DLG2: variants seen among roughly 807,000 people sequenced by gnomAD.
DLG2 encodes discs large MAGUK scaffold protein 2, also known as disks large homolog 2.
In DLG2, 45 loss-of-function variants were observed where a neutral mutation model predicts 132.5. The ratio of observed to expected loss-of-function variants is 0.34; its 90% CI spans 0.27 to 0.44. DLG2 has a LOEUF of 0.44. Among genes scored for constraint, DLG2 ranks in the 20% least tolerant of loss-of-function variants. DLG2 has a pLI of 1.00. For missense variants in DLG2, 1,045 were observed against 1,196.9 expected, an observed-to-expected ratio of 0.87 and a Z score of 1.87; for synonymous variants, 424 against 419.6, an observed-to-expected ratio of 1.01 and a Z score of -0.13.
intron 8 of DLG2, among the ~76,000 whole-genome samples, chr11:84,217,645 T>C (rs756738095): frequency 2.6e-5 from 4 of 152,190 alleles, no homozygotes; most frequent in Non-Finnish European, 5.9e-5. Flanking sequence ...AGGGATTATG[T>C]GGTCAAATAA....
intron 19 of DLG2, among the ~76,000 whole-genome samples, chr11:83,555,807 C>T (rs1030196940): frequency 2.0e-5 from 3 of 152,172 alleles, no homozygotes; most frequent in African/African-American, 7.2e-5. Context: ...TTCCCAAACA[C>T]TGTAAATGAA....
chr11:83,713,008 AT>A (rs1278870751), intron 18 of DLG2, among the ~76,000 whole-genome samples: 1 of 152,134 alleles, frequency 6.6e-6, no homozygotes, highest in Non-Finnish European at 1.5e-5. Context: ...AAAAAAATTT[AT>A]TTTTTTACTA....
At chr11:84,041,760 A>C (rs1311113479) in intron 11 of DLG2, among the ~76,000 whole-genome samples, 1 of 151,932 alleles carries the variant, frequency 6.6e-6, no homozygotes, top group Non-Finnish European at 1.5e-5. Flanking sequence ...GTATGTTGAT[A>C]TGGTTTGGCT....
intron 7 of DLG2, among the ~76,000 whole-genome samples, chr11:84,347,932 C>T (rs1196061796): frequency 6.6e-6 from 1 of 152,164 alleles, no homozygotes; most frequent in Non-Finnish European, 1.5e-5. Context: ...TTTAAATCCC[C>T]ATTCTGACAA....
intron 6 of DLG2, among the ~76,000 whole-genome samples, chr11:84,990,718 G>T (rs972154896): frequency 4.8e-5 from 6 of 125,786 alleles, no homozygotes; most frequent in South Asian, 2.9e-4. Flanking sequence ...ATGCTGGAAA[G>T]AATGCAGAGA....
intron 7 of DLG2, among the ~76,000 whole-genome samples, chr11:84,409,361 G>A (rs1274196635): frequency 6.6e-6 from 1 of 152,158 alleles, no homozygotes; most frequent in African/African-American, 2.4e-5. Context: ...AGCAAGAGTG[G>A]AATCCTAAAC....
intron 8 of DLG2, among the ~76,000 whole-genome samples, chr11:84,174,455 T>A (rs1356158896): frequency 6.6e-6 from 1 of 152,190 alleles, no homozygotes; most frequent in African/African-American, 2.4e-5. Flanking sequence ...GTTTCTCATC[T>A]TCAAAAACGT....
Position 83,535,989 on chromosome 11 carries a change from C to T in DLG2, c.2118-3206G>A, listed in dbSNP as rs185554219. 5.3e-5 allele frequency among the ~76,000 whole-genome samples: 8 copies of T among 152,260 alleles called. No individual in the cohort carries two copies. In the East Asian group the frequency reaches 1.5e-3, roughly 29 times the overall value. On this transcript the variant is annotated intron_variant, in intron 20 of 27. Transcript: ENST00000376104. Reference sequence around the variant, plus strand: ...TAACTTCAGTGTCTGTCCACAGCCACTCAGTTTGGGAAACAGCATTCAGGT... The same window carrying T: ...TAACTTCAGTGTCTGTCCACAGCCATTCAGTTTGGGAAACAGCATTCAGGT...
chr11:84,678,447 A>G lies in DLG2; in HGVS notation c.358-143716T>C, dbSNP rs1332537654. Reference sequence around the variant, plus strand: ...GTAGTATATGGAGGTGAATAAGAGCATGGAATTTGGGGTCAAACAGATCTG... The same window carrying G: ...GTAGTATATGGAGGTGAATAAGAGCGTGGAATTTGGGGTCAAACAGATCTG... On this transcript the variant is annotated intron_variant, in intron 6 of 27. Coordinates refer to ENST00000376104, the MANE Select transcript of DLG2 (RefSeq NM_001142699.3). Among the ~76,000 whole-genome samples the G allele has an allele frequency of 7.2e-5, 11 of 152,210 alleles. No homozygotes were observed. The South Asian group carries it at 1.9e-3, about 26-fold the overall frequency.
intron 6 of DLG2, among the ~76,000 whole-genome samples, chr11:84,654,869 A>T (rs1188237023): frequency 3.3e-5 from 5 of 152,100 alleles, no homozygotes; most frequent in African/African-American, 1.2e-4. Flanking sequence ...GTTTCAGCAG[A>T]CTTCTTACCA....
At position 84,352,177 on chromosome 11, in the gene DLG2, A is replaced by C. The variant is rs533817360; in HGVS notation, c.520-100886T>G. On this transcript the variant is annotated intron_variant, in intron 7 of 27. Transcript: ENST00000376104. ...CGCTCTTGCTCCACAGCATGGCATG[A>C]AGTAGATGTGTTTTTCTCCTACTAG... Among the ~76,000 whole-genome samples the C allele has an allele frequency of 5.9e-5, 9 of 152,336 alleles. No homozygotes were observed. In the South Asian group the frequency reaches 1.9e-3, roughly 32 times the overall value.
rs1037244331 is a variant in DLG2, at chr11:85,412,983, T to C, written c.41-127618A>G. On this transcript the variant is annotated intron_variant, in intron 3 of 27. Transcript: ENST00000376104. ...TCCACTTGTAGTTATTTAAGAAATC[T>C]CCAAACTGTTTTCCATAGTGGTTGT... Among the ~76,000 whole-genome samples, 3 of 151,822 alleles carry C rather than the reference T, an allele frequency of 2.0e-5. No homozygotes were observed. In the Admixed American group the frequency reaches 2.0e-4, roughly 10 times the overall value.
At chr11:83,874,589 AG>A (rs2064274910) in intron 15 of DLG2, 101 bp from the exon 16 acceptor site, 2 of 854,934 alleles carry the variant, frequency 2.3e-6, no homozygotes, top group African/African-American at 3.5e-5. Context: ...CACAACGTGC[AG>A]GTTAGTTACA....
At chr11:85,257,450 C>T (rs926368844) in intron 4 of DLG2, among the ~76,000 whole-genome samples, 2 of 152,116 alleles carry the variant, frequency 1.3e-5, no homozygotes, top group East Asian at 1.9e-4. Context: ...AATTTTTACA[C>T]GTAGTGGATT....
intron 6 of DLG2, chr11:84,546,675 A>G: frequency 1.9e-6 from 1 of 529,902 alleles, no homozygotes; most frequent in Admixed American, 2.2e-5. Context: ...GACAAACCCA[A>G]AGGCCCTGGA....
chr11:83,756,738 A>G (rs2093663810), intron 18 of DLG2, among the ~76,000 whole-genome samples: 1 of 151,552 alleles, frequency 6.6e-6, no homozygotes, highest in Admixed American at 6.6e-5. Context: ...ATAAACAAAT[A>G]GAAAAATTTC....
At chr11:83,858,000 G>A (rs1029481398) in intron 16 of DLG2, among the ~76,000 whole-genome samples, 2 of 152,170 alleles carry the variant, frequency 1.3e-5, no homozygotes, top group African/African-American at 4.8e-5. Flanking sequence ...AAATCTCAGT[G>A]CGAACAAGTT....
At chr11:84,264,815 G>A (rs2097593404) in intron 7 of DLG2, among the ~76,000 whole-genome samples, 1 of 152,128 alleles carries the variant, frequency 6.6e-6, no homozygotes, top group Non-Finnish European at 1.5e-5. Flanking sequence ...TGTATCTTAT[G>A]CTTTTATGTC....
At chr11:84,182,409 T>C (rs558134036) in intron 8 of DLG2, among the ~76,000 whole-genome samples, 33 of 151,036 alleles carry the variant, frequency 2.2e-4, no homozygotes, top group African/African-American at 7.0e-4. Flanking sequence ...CTTGTGCCTG[T>C]GGTCCCAGCT....
Sources: allele counts gnomAD v4.1 joint callset (sites outside exome capture counted in the v4.1 genomes callset), GRCh38; gene constraint gnomAD v4.1.1; transcripts MANE v1.5; gene names NCBI Gene and HGNC (gene_info 2026-07-23, HGNC 2026-07-21).